Variants in DLGAP1 observed in about 807,000 individuals in gnomAD.
DLGAP1 encodes DLG associated protein 1, also known as disks large-associated protein 1.
A neutral mutation model predicts 90.8 loss-of-function variants in DLGAP1; 11 were observed. The ratio of observed to expected loss-of-function variants is 0.12; its 90% confidence interval spans 0.08 to 0.20. The LOEUF (loss-of-function observed/expected upper bound fraction) is 0.20, where lower values mean the gene tolerates loss of function less well. DLGAP1 is among the 10% of genes least tolerant of loss of function. The pLI, the probability that DLGAP1 is intolerant of heterozygous loss-of-function variation, is 1.00. For missense variants in DLGAP1, 1,050 were observed against 1,333.8 expected, an observed-to-expected ratio of 0.79 and a Z score of 3.31; for synonymous variants, 558 against 540.7, an observed-to-expected ratio of 1.03 and a Z score of -0.44.
rs116722171 is a variant in DLGAP1 at position 4,351,173 on chromosome 18, G to A, written c.-267+103833C>T. On this transcript the variant is annotated intron_variant, in intron 1 of 12. Transcript: ENST00000315677. ...GCACCACAGAAAGGAATATCAAGGT[G>A]GAATTACATAATCCTTTCTTCAACC... Among the ~76,000 whole-genome samples, 893 of 152,246 alleles carry A rather than the reference G, an allele frequency of 5.9e-3. 11 individuals carry two copies. Among genetic ancestry groups the A allele is most frequent in the African/African-American group, 0.021 (864 of 41,548 alleles).
chr18:3,874,495 C>T (rs907864573), intron 4 of DLGAP1: 1 of 1,443,178 alleles, frequency 6.9e-7, no homozygotes, highest in Non-Finnish European at 9.0e-7. Flanking sequence ...CATAAAGAGG[C>T]ATAAACAGAA....
At chr18:3,702,721 C>T (rs1158813254) in intron 7 of DLGAP1, among the ~76,000 whole-genome samples, 3 of 152,154 alleles carry the variant, frequency 2.0e-5, no homozygotes, top group Non-Finnish European at 4.4e-5. Context: ...CCAGAGGGCT[C>T]AGATCTGGAA....
chr18:3,690,107 T>G (rs1053698828), intron 7 of DLGAP1, among the ~76,000 whole-genome samples: 4 of 105,880 alleles, frequency 3.8e-5, no homozygotes, highest in East Asian at 6.0e-4. Flanking sequence ...TTTTTTTTTT[T>G]TTTTTTTTTT....
At chr18:4,272,847 G>A (rs775699127) in intron 1 of DLGAP1, among the ~76,000 whole-genome samples, 10 of 152,146 alleles carry the variant, frequency 6.6e-5, no homozygotes, top group Non-Finnish European at 1.5e-4. Context: ...ACTGGTTCAG[G>A]GTGGCCCCTA....
In DLGAP1 at chr18:3,520,213, G is replaced by A. The variant is rs377547509; in HGVS notation, c.2480-11552C>T. ...CTACACCCACTATTCCCATCTACGT[G>A]TGTCCTTGGTCTGATTCTCTCCCTG... On this transcript the variant is annotated intron_variant, in intron 10 of 12. Transcript: ENST00000315677. Among the ~76,000 whole-genome samples, 6 of 151,812 alleles carry A rather than the reference G, an allele frequency of 4.0e-5. No individual in the cohort carries two copies. In the South Asian group the frequency reaches 1.0e-3, roughly 26 times the overall value.
chr18:4,319,619 G>A (rs1325966531), intron 1 of DLGAP1, among the ~76,000 whole-genome samples: 1 of 152,222 alleles, frequency 6.6e-6, no homozygotes, highest in Non-Finnish European at 1.5e-5. Context: ...GACAAGAACA[G>A]AGGCAGAGAA....
At chr18:3,647,130 G>A (rs73383035) in intron 7 of DLGAP1, among the ~76,000 whole-genome samples, 28,814 of 150,358 alleles carry the variant, frequency 0.19, 2,901 homozygotes, top group African/African-American at 0.21. Context: ...GGCTTATGGC[G>A]GTAATCCCAG....
intron 10 of DLGAP1, among the ~76,000 whole-genome samples, chr18:3,529,087 T>G (rs529636534): frequency 6.6e-6 from 1 of 152,310 alleles, no homozygotes; most frequent in South Asian, 2.1e-4. Context: ...CAAGAACTGT[T>G]AGTTACTTGC....
chr18:4,191,210 A>T (rs1453823859), intron 1 of DLGAP1, among the ~76,000 whole-genome samples: 1 of 152,116 alleles, frequency 6.6e-6, no homozygotes, highest in African/African-American at 2.4e-5. Flanking sequence ...TCAGGTTTAC[A>T]TTGATTTTGT....
intron 3 of DLGAP1, among the ~76,000 whole-genome samples, chr18:3,981,487 A>G (rs2073728113): frequency 1.3e-5 from 2 of 152,244 alleles, no homozygotes; most frequent in East Asian, 1.9e-4. Context: ...AAAAGGTTGC[A>G]AAAAGATTTA....
At chr18:4,357,778 T>A (rs11877688) in intron 1 of DLGAP1, among the ~76,000 whole-genome samples, 3,333 of 152,232 alleles carry the variant, frequency 0.022, 61 homozygotes, top group African/African-American at 0.047. Context: ...TCTCCACTGA[T>A]TAACAAACAG....
intron 6 of DLGAP1, among the ~76,000 whole-genome samples, chr18:3,732,498 C>T (rs1056406516): frequency 2.0e-5 from 3 of 152,216 alleles, no homozygotes; most frequent in East Asian, 3.9e-4. Context: ...GATTTGTCTT[C>T]TTTATTTACT....
chr18:3,598,745 G>A lies in DLGAP1; in HGVS notation c.1592-16497C>T, dbSNP rs201136248. Among the ~76,000 whole-genome samples the A allele has an allele frequency of 2.0e-4, 30 of 151,762 alleles. No homozygotes were observed. In the East Asian group the frequency reaches 5.4e-3, roughly 28 times the overall value. On this transcript the variant is annotated intron_variant, in intron 7 of 12. Coordinates refer to ENST00000315677, the MANE Select transcript of DLGAP1 (RefSeq NM_004746.4). ...GGCCTCCCAAAGTGCTGGGATTAAG[G>A]GCGTGAGCCACCGCGCCCGGTCCCC...
At chr18:4,390,102 C>A (rs1414561906) in intron 1 of DLGAP1, among the ~76,000 whole-genome samples, 1 of 151,684 alleles carries the variant, frequency 6.6e-6, no homozygotes, top group Non-Finnish European at 1.5e-5. Context: ...CCAAAATATT[C>A]TCTGCCCTTC....
At chr18:3,569,295 T>C (rs943811356) in intron 8 of DLGAP1, among the ~76,000 whole-genome samples, 34 of 151,988 alleles carry the variant, frequency 2.2e-4, no homozygotes, top group Non-Finnish European at 4.6e-4. Context: ...CCACCGCACC[T>C]GGACAAAAAT....
At chr18:4,183,529 ATAATT>A (rs1398643628) in intron 1 of DLGAP1, among the ~76,000 whole-genome samples, 3 of 152,168 alleles carry the variant, frequency 2.0e-5, no homozygotes, top group African/African-American at 4.8e-5. Flanking sequence ...CTTTTGCACT[ATAATT>A]TAACTTTCTT....
intron 7 of DLGAP1, among the ~76,000 whole-genome samples, chr18:3,717,210 T>C (rs2061795648): frequency 6.6e-6 from 1 of 152,138 alleles, no homozygotes; most frequent in Admixed American, 6.5e-5. Flanking sequence ...GATTTTCTCA[T>C]AGTTTTATAT....
At chr18:3,971,434 T>A (rs1268022321) in intron 3 of DLGAP1, among the ~76,000 whole-genome samples, 1 of 152,068 alleles carries the variant, frequency 6.6e-6, no homozygotes, top group Non-Finnish European at 1.5e-5. Context: ...ATAAAATGTA[T>A]GCTAACATAT....
At chr18:4,028,901 A>G (rs997397463) in intron 2 of DLGAP1, among the ~76,000 whole-genome samples, 1 of 151,934 alleles carries the variant, frequency 6.6e-6, no homozygotes, top group Non-Finnish European at 1.5e-5. Context: ...TTTTACTTAA[A>G]TTTTTTTTCA....
Sources: allele counts gnomAD v4.1 joint callset (sites outside exome capture counted in the v4.1 genomes callset), GRCh38; gene constraint gnomAD v4.1.1; transcripts MANE v1.5; gene names NCBI Gene and HGNC (gene_info 2026-07-23, HGNC 2026-07-21).